ALPK1: variants seen among roughly 807,000 people sequenced by gnomAD.
ALPK1 encodes alpha-protein kinase 1.
A neutral mutation model predicts 120.6 loss-of-function variants in ALPK1; 110 were observed. That is an observed-to-expected ratio of 0.91 (90% CI 0.78 to 1.07). The LOEUF is 1.07. ALPK1 is among the 50% of genes least tolerant of loss of function. The pLI, the probability that ALPK1 is intolerant of heterozygous loss-of-function variation, is 0.00. For synonymous variants in ALPK1, 582 were observed against 560.3 expected, an observed-to-expected ratio of 1.04 and a Z score of -0.55; for missense variants, 1,498 against 1,483.9, an observed-to-expected ratio of 1.01 and a Z score of -0.16.
At chr4:112,413,279 G>A (rs1247064893) in intron 5 of ALPK1, among the ~76,000 whole-genome samples, 1 of 152,208 alleles carries the variant, frequency 6.6e-6, no homozygotes, top group African/African-American at 2.4e-5. Flanking sequence ...ATCAAGAAGA[G>A]CTTGGAACAG....
intron 2 of ALPK1, among the ~76,000 whole-genome samples, chr4:112,372,576 G>T (rs1181613322): frequency 1.3e-5 from 2 of 152,142 alleles, no homozygotes; most frequent in East Asian, 3.9e-4. Context: ...ATACATTATA[G>T]AATGGTTAAA....
intron 4 of ALPK1, among the ~76,000 whole-genome samples, chr4:112,390,228 G>C (rs966048440): frequency 6.6e-6 from 1 of 152,054 alleles, no homozygotes; most frequent in Non-Finnish European, 1.5e-5. Context: ...CTCTTACCGG[G>C]ATTATTCCAT....
At chr4:112,372,558 T>C (rs77532970) in intron 2 of ALPK1, among the ~76,000 whole-genome samples, 4,545 of 152,288 alleles carry the variant, frequency 0.03, 218 homozygotes, top group African/African-American at 0.1. Flanking sequence ...TTATATATCT[T>C]TATGGTCATA....
At chr4:112,390,905 C>T (rs918062613) in intron 4 of ALPK1, among the ~76,000 whole-genome samples, 10 of 152,074 alleles carry the variant, frequency 6.6e-5, no homozygotes, top group African/African-American at 2.2e-4. Flanking sequence ...GGGGAGCACA[C>T]TGAACTGCCA....
intron 1 of ALPK1, among the ~76,000 whole-genome samples, chr4:112,303,676 C>G (rs1226848753): frequency 6.6e-6 from 1 of 151,822 alleles, no homozygotes; most frequent in East Asian, 1.9e-4. Flanking sequence ...ATCTTTATAG[C>G]CTTCTTGATC....
intron 8 of ALPK1, 133 bp downstream of exon 8, chr4:112,426,676 G>A (rs1734251453): frequency 1.4e-6 from 1 of 704,848 alleles, no homozygotes; most frequent in African/African-American, 1.9e-5. Context: ...CAAGCATAGG[G>A]CCAGGTACAG....
At chr4:112,414,433 C>T (rs1013384784) in intron 5 of ALPK1, 1 of 393,906 alleles carries the variant, frequency 2.5e-6, no homozygotes, top group African/African-American at 2.1e-5. Flanking sequence ...ATGATGAAAC[C>T]CCATCTCTAC....
chr4:112,391,968 A>AG (rs1369196665), intron 4 of ALPK1, among the ~76,000 whole-genome samples: 1 of 109,980 alleles, frequency 9.1e-6, no homozygotes, highest in Non-Finnish European at 1.8e-5. Context: ...CCCAGTCCAC[A>AG]GGAAAAAAAA....
rs771791920 is a variant in ALPK1, at chr4:112,432,273, A to G, written c.2726A>G (p.Glu909Gly). 2 of 1,614,200 alleles carry G rather than the reference A, an allele frequency of 1.2e-6. No individual in the cohort carries two copies. The highest frequency in any genetic ancestry group is 3.3e-5 in the Admixed American group (2 of 60,028). The change falls in exon 11 of 16, where the codon GAG becomes GGG. Residue 909 changes from glutamate to glycine, a missense_variant. By Grantham distance (98) the Glu-to-Gly change is moderately conservative. Coordinates refer to ENST00000650871, the MANE Select transcript of ALPK1 (RefSeq NM_025144.4). ...PVLSEDCTTT[E>G]EGNQPGNMLN... Reference sequence around the variant, plus strand: ...CTCAGCGAGGACTGCACTACCACAGAGGAAGGAAATCAGCCTGGAAACATG... The same window carrying G: ...CTCAGCGAGGACTGCACTACCACAGGGGAAGGAAATCAGCCTGGAAACATG...
intron 2 of ALPK1, among the ~76,000 whole-genome samples, chr4:112,366,128 T>G (rs1442204368): frequency 6.6e-6 from 1 of 151,966 alleles, no homozygotes; most frequent in African/African-American, 2.4e-5. Context: ...TGGAAAAATC[T>G]TACTAGACAT....
chr4:112,377,355 G>C (rs1036624193), intron 2 of ALPK1, among the ~76,000 whole-genome samples: 22 of 152,196 alleles, frequency 1.4e-4, no homozygotes, highest in Non-Finnish European at 2.6e-4. Context: ...GTGCCACTGA[G>C]CTCCAGAGGC....
At position 112,308,259 on chromosome 4, in the gene ALPK1, G is replaced by A. The variant is rs1363103974; in HGVS notation, c.-152-7542G>A. Reference sequence around the variant, plus strand: ...GCTCTTCTCAAGGAGTATCTTTGTGGCTTTCTCTGTATTTCCTGAATTTGA... The same window carrying A: ...GCTCTTCTCAAGGAGTATCTTTGTGACTTTCTCTGTATTTCCTGAATTTGA... On this transcript the variant is annotated intron_variant, in intron 1 of 15. Transcript: ENST00000650871. Among the ~76,000 whole-genome samples, 4 of 151,970 alleles carry A rather than the reference G, an allele frequency of 2.6e-5. No homozygotes were observed. In the East Asian group the frequency reaches 7.7e-4, roughly 29 times the overall value.
At position 112,441,530 on chromosome 4, in the gene ALPK1, G is replaced by A. The variant is rs1399445972; in HGVS notation, c.*320G>A. ...AGAGCTTTTTGTCACTATCTGTCAAGACTGATACTACTGGGGCTTTTCCTA... is the reference window on the plus strand; with the variant it reads ...AGAGCTTTTTGTCACTATCTGTCAAAACTGATACTACTGGGGCTTTTCCTA... On this transcript the variant is annotated 3_prime_UTR_variant, in exon 16 of 16. Coordinates refer to ENST00000650871, the MANE Select transcript of ALPK1 (RefSeq NM_025144.4). 1.2e-5 allele frequency: 4 copies of A among 339,914 alleles called. No individual in the cohort carries two copies. Among genetic ancestry groups the A allele is most frequent in the Non-Finnish European group, 2.1e-5 (4 of 186,106 alleles). 21.1% of individuals were successfully genotyped at this position (339,914 alleles called of 1,614,324 possible).
At chr4:112,393,183 A>G (rs1440109379) in intron 4 of ALPK1, among the ~76,000 whole-genome samples, 1 of 152,238 alleles carries the variant, frequency 6.6e-6, no homozygotes, top group Admixed American at 6.5e-5. Flanking sequence ...ATGTGGTCAC[A>G]TTTCTTTTCA....
chr4:112,362,792 T>C (rs1304564387), intron 2 of ALPK1, among the ~76,000 whole-genome samples: 1 of 152,218 alleles, frequency 6.6e-6, no homozygotes, highest in Non-Finnish European at 1.5e-5. Context: ...CATCAGGTTA[T>C]CTAAAGCCAA....
chr4:112,365,532 C>A (rs1731106537), intron 2 of ALPK1, among the ~76,000 whole-genome samples: 1 of 152,110 alleles, frequency 6.6e-6, no homozygotes, highest in South Asian at 2.1e-4. Flanking sequence ...AAGAAAACTA[C>A]AAAACACTGC....
In ALPK1 at chr4:112,308,305, G is replaced by A. The variant is rs1323764174; in HGVS notation, c.-152-7496G>A. ...TTTGAATGTTGGCCTGCCTTGCTAG[G>A]TTGGGGAAGTTGTCCTGGATAATAT... On this transcript the variant is annotated intron_variant, in intron 1 of 15. Transcript: ENST00000650871. Among the ~76,000 whole-genome samples the A allele has an allele frequency of 1.6e-4, 24 of 152,146 alleles. 1 individual carries two copies. The highest frequency in any genetic ancestry group is 9.8e-4 in the Admixed American group (15 of 15,286).
chr4:112,392,916 C>T (rs1732486573), intron 4 of ALPK1, among the ~76,000 whole-genome samples: 1 of 152,184 alleles, frequency 6.6e-6, no homozygotes, highest in South Asian at 2.1e-4. Flanking sequence ...ATGCTGCAGA[C>T]AGATTTAAAA....
intron 1 of ALPK1, among the ~76,000 whole-genome samples, chr4:112,300,743 T>A (rs1255102971): frequency 6.6e-6 from 1 of 152,100 alleles, no homozygotes; most frequent in Non-Finnish European, 1.5e-5. Context: ...AAATTTGGCC[T>A]GACCTGTGTG....
Sources: allele counts gnomAD v4.1 joint callset (sites outside exome capture counted in the v4.1 genomes callset), GRCh38; gene constraint gnomAD v4.1.1; transcripts MANE v1.5; gene names NCBI Gene and HGNC (gene_info 2026-07-23, HGNC 2026-07-21).